The following DOCK4 variants were observed in gnomAD, a reference collection of about 807,000 sequenced individuals.
DOCK4 encodes the protein dedicator of cytokinesis 4.
Under a neutral mutation model 268.1 loss-of-function variants are expected in DOCK4, and 97 were observed. The ratio of observed to expected loss-of-function variants is 0.36; its 90% CI spans 0.31 to 0.43. The LOEUF (loss-of-function observed/expected upper bound fraction) is 0.43. DOCK4 is among the 20% of genes least tolerant of loss of function. The pLI is 1.00. For synonymous variants in DOCK4, 954 were observed against 887.2 expected, an observed-to-expected ratio of 1.08 and a Z score of -1.34; for missense variants, 2,145 against 2,455.7, an observed-to-expected ratio of 0.87 and a Z score of 2.67.
chr7:112,165,559 T>C (rs12537224), intron 1 of DOCK4, among the ~76,000 whole-genome samples: 3,299 of 148,194 alleles, frequency 0.022, 76 homozygotes, highest in African/African-American at 0.052. Context: ...TGTGTGTGTG[T>C]GCGTGTGTGT....
chr7:111,772,792 G>A (rs570337355), intron 36 of DOCK4, among the ~76,000 whole-genome samples: 24 of 152,058 alleles, frequency 1.6e-4, no homozygotes, highest in Admixed American at 5.9e-4. Flanking sequence ...GTGAAACTCC[G>A]TCTCAAAAAC....
At chr7:111,807,053 A>G (rs1439941346) in intron 30 of DOCK4, among the ~76,000 whole-genome samples, 1 of 152,234 alleles carries the variant, frequency 6.6e-6, no homozygotes, top group Non-Finnish European at 1.5e-5. Context: ...CATAGCTATT[A>G]TGGTTTGGAT....
intron 1 of DOCK4, among the ~76,000 whole-genome samples, chr7:112,037,760 A>C (rs1263790842): frequency 6.6e-6 from 1 of 152,202 alleles, no homozygotes; most frequent in East Asian, 1.9e-4. Flanking sequence ...TCTTTTGAAT[A>C]AATACCAGCA....
rs118046580 is a variant in DOCK4, at chr7:111,733,236, C to T, written c.5420-949G>A. ...GAAAGACAGTTACAGAGCCCCACAA[C>T]AGTGACCACAGATGATGACATAAGA... On this transcript the variant is annotated intron_variant, in intron 51 of 52. Coordinates refer to ENST00000428084, the MANE Select transcript of DOCK4 (RefSeq NM_001363540.2). Among the ~76,000 whole-genome samples, 61 of 152,336 alleles carry T rather than the reference C, an allele frequency of 4.0e-4. 1 individual carries two copies. The East Asian group carries it at 0.012, about 29-fold the overall frequency.
chr7:112,096,333 A>T (rs1485922760), intron 1 of DOCK4, among the ~76,000 whole-genome samples: 1 of 151,766 alleles, frequency 6.6e-6, no homozygotes, highest in East Asian at 1.9e-4. Flanking sequence ...TGCTCGTCTA[A>T]TTTTTTTATT....
At chr7:111,741,335 C>T (rs957346360) in intron 46 of DOCK4, 121 bp from the exon 47 acceptor site, 2 of 1,450,482 alleles carry the variant, frequency 1.4e-6, no homozygotes, top group African/African-American at 2.8e-5. Flanking sequence ...TCCTGTTTGC[C>T]TCAATATAAT....
intron 30 of DOCK4, among the ~76,000 whole-genome samples, chr7:111,797,346 GA>G: frequency 6.6e-6 from 1 of 152,190 alleles, no homozygotes; most frequent in South Asian, 2.1e-4. Context: ...TCTCATTATA[GA>G]ACCTTAGGCA....
chr7:111,749,146 G>A (rs1191405053), intron 42 of DOCK4, among the ~76,000 whole-genome samples: 2 of 152,132 alleles, frequency 1.3e-5, no homozygotes, highest in African/African-American at 4.8e-5. Context: ...AGGCCTGCAG[G>A]ATACTGCTGG....
intron 1 of DOCK4, among the ~76,000 whole-genome samples, chr7:112,027,014 G>A (rs1802858860): frequency 6.6e-6 from 1 of 152,146 alleles, no homozygotes; most frequent in African/African-American, 2.4e-5. Flanking sequence ...GACATAATGA[G>A]CTTGGATGAA....
At chr7:112,118,367 T>G (rs1175698773) in intron 1 of DOCK4, among the ~76,000 whole-genome samples, 2 of 152,086 alleles carry the variant, frequency 1.3e-5, no homozygotes, top group Non-Finnish European at 2.9e-5. Flanking sequence ...CTGCTTCAAA[T>G]GAAAATCATT....
chr7:112,056,677 A>G (rs2135575452), intron 1 of DOCK4, among the ~76,000 whole-genome samples: 1 of 152,320 alleles, frequency 6.6e-6, no homozygotes, highest in South Asian at 2.1e-4. Context: ...CATTTACAAA[A>G]TGGACAAATG....
At position 111,830,232 on chromosome 7, in the gene DOCK4, C is replaced by T. The variant is rs143997313; in HGVS notation, c.2835+4356G>A. Among the ~76,000 whole-genome samples, 114 of 152,160 alleles carry T rather than the reference C, an allele frequency of 7.5e-4. No individual in the cohort carries two copies. In the East Asian group the frequency reaches 0.021, roughly 28 times the overall value. On this transcript the variant is annotated intron_variant, in intron 26 of 52. Transcript: ENST00000428084. Reference sequence around the variant, plus strand: ...CACAAGGTCAGGAGATCGAGACCATCCTGGCCAACATGGTGAAACCTCATC... The same window carrying T: ...CACAAGGTCAGGAGATCGAGACCATTCTGGCCAACATGGTGAAACCTCATC...
At chr7:112,123,198 ATCTTGG>A (rs1261949949) in intron 1 of DOCK4, among the ~76,000 whole-genome samples, 1 of 152,196 alleles carries the variant, frequency 6.6e-6, no homozygotes, top group Non-Finnish European at 1.5e-5. Flanking sequence ...GTGTGGTTAC[ATCTTGG>A]TCTAATAAGA....
chr7:111,990,899 T>G (rs1799469858), intron 5 of DOCK4, among the ~76,000 whole-genome samples: 4 of 152,216 alleles, frequency 2.6e-5, no homozygotes, highest in Admixed American at 2.6e-4. Context: ...TTACACATGT[T>G]AATTTTTGTG....
At chr7:112,132,504 G>A (rs528366408) in intron 1 of DOCK4, among the ~76,000 whole-genome samples, 16 of 151,866 alleles carry the variant, frequency 1.1e-4, no homozygotes, top group African/African-American at 3.9e-4. Flanking sequence ...ATGATATCTA[G>A]AAACAACACA....
chr7:111,847,481 T>C (rs1256975236), intron 23 of DOCK4, among the ~76,000 whole-genome samples: 1 of 152,144 alleles, frequency 6.6e-6, no homozygotes, highest in Non-Finnish European at 1.5e-5. Context: ...GTTGTTTTTT[T>C]TTTTCCCCCT....
chr7:111,869,422 C>T (rs1806238742), intron 21 of DOCK4, 152 bp downstream of exon 21: 3 of 691,542 alleles, frequency 4.3e-6, no homozygotes, highest in Admixed American at 4.3e-5. Context: ...TTCATCAGCT[C>T]TCAAGCAGTC....
At chr7:111,913,304 T>C (rs1425705913) in intron 13 of DOCK4, among the ~76,000 whole-genome samples, 1 of 151,802 alleles carries the variant, frequency 6.6e-6, no homozygotes, top group African/African-American at 2.4e-5. Context: ...GCACTGTGGC[T>C]CAAGCCTATC....
chr7:111,995,413 TTGTGTGTGTGTGTG>T (rs71529492), intron 4 of DOCK4, among the ~76,000 whole-genome samples: 29 of 116,986 alleles, frequency 2.5e-4, no homozygotes, highest in African/African-American at 7.8e-4. Context: ...AATTCTTTCT[TTGTGTGTGTGTGTG>T]TGTGTGTGTG....
Sources: allele counts gnomAD v4.1 joint callset (sites outside exome capture counted in the v4.1 genomes callset), GRCh38; gene constraint gnomAD v4.1.1; transcripts MANE v1.5; gene names NCBI Gene and HGNC (gene_info 2026-07-23, HGNC 2026-07-21).